Variants in TSPEAR observed in about 807,000 individuals in gnomAD.
TSPEAR encodes thrombospondin-type laminin G domain and EAR repeat-containing protein.
TSPEAR carries 69 observed loss-of-function variants against 71.6 expected under a neutral mutation model. The ratio of observed to expected loss-of-function variants is 0.96; its 90% CI spans 0.79 to 1.18. The LOEUF is 1.18. Among genes scored for constraint, TSPEAR ranks in the 50% most tolerant of loss-of-function variants. The pLI is 0.00. For missense variants in TSPEAR, 971 were observed against 894.9 expected (o/e 1.09, Z -1.09); for synonymous variants, 402 against 387.2 (o/e 1.04, Z -0.45).
chr21:44,554,959 C>T lies in TSPEAR; in HGVS notation c.303+12826G>A, dbSNP rs587710448. Among the ~76,000 whole-genome samples, 64 of 152,222 alleles carry T rather than the reference C, an allele frequency of 4.2e-4. 1 individual carries two copies. In the South Asian group the frequency reaches 0.012, roughly 28 times the overall value. ...GTTTTAAATAGAAATTCTCGAATTG[C>T]GGTTCCATTCCTCACTTTAATAGTT... On this transcript the variant is annotated intron_variant, in intron 2 of 11. Transcript: ENST00000323084.
At chr21:44,707,239 C>G (rs1987970003) in intron 1 of TSPEAR, among the ~76,000 whole-genome samples, 1 of 151,464 alleles carries the variant, frequency 6.6e-6, no homozygotes, top group Non-Finnish European at 1.5e-5. Context: ...CCGCTCCACC[C>G]CTGCCCCCAC....
intron 1 of TSPEAR, chr21:44,677,872 G>C (rs906923424): frequency 1.5e-6 from 2 of 1,357,086 alleles, no homozygotes; most frequent in Non-Finnish European, 2.1e-6. Flanking sequence ...ACTCTTTCTC[G>C]GAAATGGGAA....
intron 1 of TSPEAR, among the ~76,000 whole-genome samples, chr21:44,661,376 G>T (rs1985488529): frequency 6.6e-6 from 1 of 150,432 alleles, no homozygotes; most frequent in South Asian, 2.1e-4. Flanking sequence ...ATAAGTAAAA[G>T]TAAAACATGG....
chr21:44,688,536 C>T (rs567181359), intron 1 of TSPEAR, among the ~76,000 whole-genome samples: 6 of 152,166 alleles, frequency 3.9e-5, no homozygotes, highest in African/African-American at 1.2e-4. Context: ...CTGGCTAACA[C>T]GGTGAAACCC....
chr21:44,528,638 G>C (rs2052905154), intron 5 of TSPEAR, 55 bp from the exon 6 acceptor site: 1 of 1,597,814 alleles, frequency 6.3e-7, no homozygotes, highest in Non-Finnish European at 8.5e-7. Context: ...CCCAAAGGAA[G>C]ACGACACAGG....
intron 9 of TSPEAR, among the ~76,000 whole-genome samples, chr21:44,514,096 G>A (rs2052480191): frequency 6.6e-6 from 1 of 152,206 alleles, no homozygotes; most frequent in South Asian, 2.1e-4. Flanking sequence ...AAGTCATGGG[G>A]CATAGCTGCC....
At chr21:44,655,542 C>A (rs1985094446) in intron 1 of TSPEAR, among the ~76,000 whole-genome samples, 1 of 152,192 alleles carries the variant, frequency 6.6e-6, no homozygotes, top group Admixed American at 6.5e-5. Flanking sequence ...CCAGGAGGAC[C>A]CATCACGGAG....
rs587747351 is a variant in TSPEAR at position 44,506,741 on chromosome 21, G to A, written c.1755-1860C>T. On this transcript the variant is annotated intron_variant, in intron 10 of 11. Coordinates refer to ENST00000323084, the MANE Select transcript of TSPEAR (RefSeq NM_144991.3). This position sits in a 1 kb window ranked among gnomAD's most constrained non-coding sequence, Gnocchi z 4.2. ...GCGGGCCCCGGGTCAGTGTGAATCC[G>A]CGGGGTTACTCCTCAGTCGGATCTG... 55 of 152,344 alleles carry A rather than the reference G, an allele frequency of 3.6e-4. 1 individual carries two copies. The highest frequency in any genetic ancestry group is 1.3e-3 in the Admixed American group (20 of 15,296). 9.4% of individuals were successfully genotyped at this position (152,344 alleles called of 1,614,324 possible). A position where few individuals can be genotyped will look rare whatever the true frequency, so the allele number is the denominator to read the frequency against.
At position 44,612,584 on chromosome 21, in the gene TSPEAR, C is replaced by A; in HGVS notation, c.83-44579G>T. On this transcript the variant is annotated intron_variant, in intron 1 of 11. Transcript: ENST00000323084. This position sits in a 1 kb window ranked among gnomAD's most constrained non-coding sequence, Gnocchi z 4.1. ...AGCTTGCTGCACCTTCTCCCCATGCCAACAGGCCTGCTGTGTGCCCATCTG... is the reference window on the plus strand; with the variant it reads ...AGCTTGCTGCACCTTCTCCCCATGCAAACAGGCCTGCTGTGTGCCCATCTG... 1 of 1,614,122 alleles carries A rather than the reference C, an allele frequency of 6.2e-7. No homozygotes were observed. The highest frequency in any genetic ancestry group is 8.5e-7 in the Non-Finnish European group (1 of 1,180,018).
intron 1 of TSPEAR, among the ~76,000 whole-genome samples, chr21:44,664,629 T>C (rs1415211154): frequency 2.6e-5 from 4 of 152,120 alleles, no homozygotes; most frequent in African/African-American, 9.7e-5. Context: ...AAGAACAAAA[T>C]TGGAGAACTC....
chr21:44,653,117 C>T (rs782375724), intron 1 of TSPEAR, among the ~76,000 whole-genome samples: 22 of 152,028 alleles, frequency 1.4e-4, no homozygotes, highest in Admixed American at 6.6e-4. Flanking sequence ...GAGATCACGC[C>T]GCTGCACTCC....
Position 44,529,885 on chromosome 21 carries a change from C to T in TSPEAR, c.703G>A (p.Ala235Thr), listed in dbSNP as rs782210775. The T allele has an allele frequency of 1.2e-5, 19 of 1,613,328 alleles. 1 individual carries two copies. The South Asian group carries it at 1.2e-4, about 10-fold the overall frequency. ...ATPRLCPSRN[A>T]PLAVLSIPRV... ...GGGATGGACAGCACCGCCAGCGGGG[C>T]GTTCCTGCTGGGACACAGCCTTGGG... Residue 235 changes from alanine (A) to threonine (T), a missense_variant, in exon 5 of 12, where the codon GCC becomes ACC. Coordinates refer to ENST00000323084, the MANE Select transcript of TSPEAR (RefSeq NM_144991.3).
intron 1 of TSPEAR, among the ~76,000 whole-genome samples, chr21:44,572,616 T>C (rs948481012): frequency 6.6e-6 from 1 of 151,604 alleles, no homozygotes; most frequent in African/African-American, 2.4e-5. Context: ...CGGGTTCTGC[T>C]CCCGTGCCCA....
chr21:44,512,923 C>T (rs2052434692), intron 9 of TSPEAR, among the ~76,000 whole-genome samples: 1 of 152,170 alleles, frequency 6.6e-6, no homozygotes, highest in South Asian at 2.1e-4. Context: ...CCGGGGGCGG[C>T]TCAGAGGCTG....
chr21:44,499,627 G>C lies in TSPEAR; in HGVS notation c.*156C>G, dbSNP rs1033759127. ...CAGAGGTGGATGGATGTCCCTGCCC[G>C]AACCAGGGCCGCAGATGGCCCCACC... On this transcript the variant is annotated 3_prime_UTR_variant, in exon 12 of 12. Coordinates refer to ENST00000323084, the MANE Select transcript of TSPEAR (RefSeq NM_144991.3). The C allele has an allele frequency of 5.6e-6, 4 of 718,304 alleles. No homozygotes were observed. Among genetic ancestry groups the C allele is most frequent in the Admixed American group, 3.4e-5 (1 of 29,292 alleles). 44.5% of individuals were successfully genotyped at this position (718,304 alleles called of 1,614,324 possible).
At chr21:44,657,696 C>A (rs587626537) in intron 1 of TSPEAR, among the ~76,000 whole-genome samples, 17 of 152,260 alleles carry the variant, frequency 1.1e-4, no homozygotes, top group East Asian at 7.7e-4. Flanking sequence ...ACGGTAGTAG[C>A]CTGAAAAAAA....
At chr21:44,655,628 T>C (rs1244127697) in intron 1 of TSPEAR, among the ~76,000 whole-genome samples, 6 of 152,304 alleles carry the variant, frequency 3.9e-5, no homozygotes, top group Admixed American at 6.5e-5. Context: ...CAGAGGCAGC[T>C]TGGGGGAAAG....
intron 1 of TSPEAR, among the ~76,000 whole-genome samples, chr21:44,590,356 T>G (rs1412438687): frequency 1.3e-5 from 2 of 151,636 alleles, no homozygotes; most frequent in Admixed American, 6.6e-5. Flanking sequence ...CCTAGGAGGC[T>G]GGGGGTGTGG....
rs1184299673 is a variant in TSPEAR at position 44,689,706 on chromosome 21, AGAAT to A, written c.82+21723_82+21726del. On this transcript the variant is annotated intron_variant, in intron 1 of 11. Transcript: ENST00000323084. The stretch of plus-strand genomic sequence containing the variant: ...TAGGGTTCCCTTAGAGGGACAGAAT[AGAAT>A]GAATATATATATATATATATATATA... Among the ~76,000 whole-genome samples, 289 of 34,278 alleles carry A rather than the reference AGAAT, an allele frequency of 8.4e-3. 48 individuals are homozygous for A. Among genetic ancestry groups the A allele is most frequent in the African/African-American group, 0.032 (219 of 6,838 alleles). The allele number at this position is 34,278 out of a possible 152,430, so 22.5% of individuals were successfully genotyped here.
Sources: gnomAD v4.1 joint callset for allele counts (sites outside exome capture counted in the v4.1 genomes callset) on GRCh38, gnomAD v4.1.1 for gene constraint, Gnocchi (gnomAD v3.1) non-coding constraint, MANE v1.5 for transcripts, NCBI Gene and HGNC (gene_info 2026-07-23, HGNC 2026-07-21) for gene names.